Variants in DPP10 observed in about 807,000 individuals in gnomAD.
DPP10 encodes inactive dipeptidyl peptidase 10.
In DPP10, 33 loss-of-function variants were observed where a neutral mutation model predicts 120.9. The observed-to-expected ratio is 0.27, with a 90% CI of 0.21 to 0.37. The LOEUF is 0.37. DPP10 is among the 10% of genes least tolerant of loss of function. DPP10 has a pLI of 1.00. For synonymous variants in DPP10, 337 were observed against 326.1 expected, an observed-to-expected ratio of 1.03 and a Z score of -0.36; for missense variants, 816 against 942.8, an observed-to-expected ratio of 0.87 and a Z score of 1.76.
intron 1 of DPP10, among the ~76,000 whole-genome samples, chr2:114,883,060 A>G (rs1010063123): frequency 6.6e-6 from 1 of 152,210 alleles, no homozygotes; most frequent in Non-Finnish European, 1.5e-5. Flanking sequence ...GCAAGCACAG[A>G]AAAATCAGAT....
At chr2:115,749,319 T>C (rs1331880249) in intron 10 of DPP10, among the ~76,000 whole-genome samples, 1 of 152,200 alleles carries the variant, frequency 6.6e-6, no homozygotes, top group East Asian at 1.9e-4. Context: ...TGTGTAGACC[T>C]CTCTAGTCTG....
chr2:115,772,869 C>T (rs1305244636), intron 13 of DPP10, among the ~76,000 whole-genome samples: 1 of 152,006 alleles, frequency 6.6e-6, no homozygotes, highest in African/African-American at 2.4e-5. Flanking sequence ...GATTCATAGG[C>T]GTAAGGAATG....
intron 15 of DPP10, among the ~76,000 whole-genome samples, chr2:115,780,014 A>T (rs1682561067): frequency 6.6e-6 from 1 of 151,964 alleles, no homozygotes; most frequent in Non-Finnish European, 1.5e-5. Context: ...AATCAACGTG[A>T]ATATTGTTCA....
intron 5 of DPP10, among the ~76,000 whole-genome samples, chr2:115,624,825 G>T (rs761261996): frequency 6.6e-6 from 1 of 152,108 alleles, no homozygotes; most frequent in Non-Finnish European, 1.5e-5. Flanking sequence ...GTATGTCACA[G>T]TTACCAGATG....
At chr2:115,252,460 C>T (rs2058796982) in intron 1 of DPP10, among the ~76,000 whole-genome samples, 1 of 152,114 alleles carries the variant, frequency 6.6e-6, no homozygotes, top group Non-Finnish European at 1.5e-5. Context: ...GAAATAATTG[C>T]CAAGCTTATT....
intron 5 of DPP10, among the ~76,000 whole-genome samples, chr2:115,648,748 T>C (rs1211738364): frequency 6.6e-6 from 1 of 152,162 alleles, no homozygotes; most frequent in African/African-American, 2.4e-5. Context: ...TGTGAACCTC[T>C]TAAAGCAAAG....
chr2:114,536,408 C>CTTTTTTTTTTTTTTTTTTTTTTTT, intron 1 of DPP10, among the ~76,000 whole-genome samples: 1 of 128,732 alleles, frequency 7.8e-6, no homozygotes, highest in Non-Finnish European at 1.6e-5. Flanking sequence ...TTTTCTTTTT[C>CTTTTTTTTTTTTTTTTTTTTTTTT]TTTTTTTTTT....
At chr2:115,120,983 C>T (rs962652397) in intron 1 of DPP10, among the ~76,000 whole-genome samples, 2 of 152,212 alleles carry the variant, frequency 1.3e-5, no homozygotes, top group African/African-American at 4.8e-5. Flanking sequence ...AGGAGATTAT[C>T]TGAATACTTT....
intron 1 of DPP10, among the ~76,000 whole-genome samples, chr2:115,108,160 AT>A (rs2049041046): frequency 6.6e-6 from 1 of 152,120 alleles, no homozygotes; most frequent in South Asian, 2.1e-4. Context: ...CCTATTCCTA[AT>A]ATGTATGTAT....
intron 3 of DPP10, among the ~76,000 whole-genome samples, chr2:115,442,918 A>G (rs920046522): frequency 1.3e-5 from 2 of 152,176 alleles, no homozygotes; most frequent in African/African-American, 2.4e-5. Context: ...ATCTTAGAAT[A>G]CTGGCTTAGA....
intron 5 of DPP10, among the ~76,000 whole-genome samples, chr2:115,569,052 A>C (rs1370033564): frequency 6.6e-6 from 1 of 152,222 alleles, no homozygotes; most frequent in Non-Finnish European, 1.5e-5. Flanking sequence ...AGATGTGTAC[A>C]AGTAATATCT....
intron 1 of DPP10, among the ~76,000 whole-genome samples, chr2:114,884,249 G>A (rs1050330022): frequency 6.6e-6 from 1 of 152,146 alleles, no homozygotes; most frequent in African/African-American, 2.4e-5. Flanking sequence ...TTGATAAATC[G>A]TGAGATTGCT....
intron 1 of DPP10, among the ~76,000 whole-genome samples, chr2:114,526,678 T>C (rs1573568334): frequency 6.6e-6 from 1 of 152,108 alleles, no homozygotes; most frequent in South Asian, 2.1e-4. Flanking sequence ...TAGAAGTCTG[T>C]CTTCTTACTG....
At chr2:114,581,173 C>CTTTTTTT (rs70937291) in intron 1 of DPP10, among the ~76,000 whole-genome samples, 3 of 77,892 alleles carry the variant, frequency 3.9e-5, no homozygotes, top group East Asian at 4.1e-4. Flanking sequence ...TTTTTCTTCT[C>CTTTTTTT]TTTTTTTTTT....
At chr2:115,258,625 G>A (rs1225474503) in intron 1 of DPP10, among the ~76,000 whole-genome samples, 1 of 152,176 alleles carries the variant, frequency 6.6e-6, no homozygotes, top group Non-Finnish European at 1.5e-5. Context: ...GCGCACTTCA[G>A]GTATAATGAT....
chr2:114,926,140 T>G (rs1333753333), intron 1 of DPP10, among the ~76,000 whole-genome samples: 1 of 152,182 alleles, frequency 6.6e-6, no homozygotes, highest in African/African-American at 2.4e-5. Context: ...TCAGATGTGA[T>G]GCTTGAATTT....
intron 1 of DPP10, among the ~76,000 whole-genome samples, chr2:115,211,343 A>G (rs558059452): frequency 2.0e-5 from 3 of 152,212 alleles, no homozygotes; most frequent in Admixed American, 2.0e-4. Context: ...AAACAAAAGA[A>G]TAGGAAGTCT....
At chr2:114,701,911 C>T (rs1259118691) in intron 1 of DPP10, among the ~76,000 whole-genome samples, 1 of 152,028 alleles carries the variant, frequency 6.6e-6, no homozygotes, top group Non-Finnish European at 1.5e-5. Context: ...AACAAATCAG[C>T]GCAAGCCTAG....
intron 3 of DPP10, among the ~76,000 whole-genome samples, chr2:115,470,262 A>C (rs189916347): frequency 9.3e-4 from 142 of 152,290 alleles, no homozygotes; most frequent in Non-Finnish European, 1.7e-3. Context: ...ATTAAAGAAG[A>C]ATGTGTTTCA....
Sources: gnomAD v4.1 joint callset for allele counts (sites outside exome capture counted in the v4.1 genomes callset) on GRCh38, gnomAD v4.1.1 for gene constraint, MANE v1.5 for transcripts, NCBI Gene and HGNC (gene_info 2026-07-23, HGNC 2026-07-21) for gene names.